PLPP1: variants seen among roughly 807,000 people sequenced by gnomAD.
The protein encoded by PLPP1 is phospholipid phosphatase 1.
A neutral mutation model predicts 31.2 loss-of-function variants in PLPP1; 24 were observed. That is an observed-to-expected ratio of 0.77 (90% confidence interval 0.56 to 1.08). PLPP1 has a LOEUF of 1.08. Among genes scored for constraint, PLPP1 ranks in the 50% least tolerant of loss-of-function variants. The pLI, the probability that PLPP1 is intolerant of heterozygous loss-of-function variation, is 0.00. For synonymous variants in PLPP1, 146 were observed against 126.3 expected, an observed-to-expected ratio of 1.16 and a Z score of -1.05; for missense variants, 319 against 342.7, an observed-to-expected ratio of 0.93 and a Z score of 0.55.
chr5:55,434,127 T>G, intron 4 of PLPP1, among the ~76,000 whole-genome samples: 1 of 141,406 alleles, frequency 7.1e-6, no homozygotes, highest in African/African-American at 2.7e-5. Flanking sequence ...AGTGAGACTC[T>G]GTCTCAAAAA....
intron 3 of PLPP1, among the ~76,000 whole-genome samples, chr5:55,442,709 C>T (rs895732532): frequency 6.6e-6 from 1 of 151,778 alleles, no homozygotes; most frequent in Admixed American, 6.6e-5. Flanking sequence ...CATTTCCCAC[C>T]AAATTCAGTG....
At chr5:55,506,211 A>G (rs944580209) in intron 1 of PLPP1, among the ~76,000 whole-genome samples, 4 of 151,882 alleles carry the variant, frequency 2.6e-5, no homozygotes, top group Non-Finnish European at 5.9e-5. Context: ...TGAAATGGTC[A>G]GTCCTACTTT....
In PLPP1 at chr5:55,468,254, T is replaced by G. The variant is rs1369641398; in HGVS notation, c.211-105A>C. On this transcript the variant is annotated intron_variant, in intron 2 of 5. Coordinates refer to ENST00000307259, the MANE Select transcript of PLPP1 (RefSeq NM_003711.4). The stretch of plus-strand genomic sequence containing the variant: ...GAAATGGTAAATCGCAAAAATATCT[T>G]TGTTTCAAAAACAGTCCCAGCCCCT... 2.8e-6 allele frequency: 3 copies of G among 1,082,542 alleles called. No homozygotes were observed. In the African/African-American group the frequency reaches 4.8e-5, roughly 17 times the overall value. 67.1% of individuals were successfully genotyped at this position (1,082,542 alleles called of 1,614,324 possible).
intron 1 of PLPP1, among the ~76,000 whole-genome samples, chr5:55,481,323 C>T (rs1164351714): frequency 6.6e-6 from 1 of 152,182 alleles, no homozygotes; most frequent in Non-Finnish European, 1.5e-5. Flanking sequence ...ACTGCCTTCA[C>T]AAAATAATGT....
chr5:55,472,914 T>TG (rs572240378), intron 2 of PLPP1, among the ~76,000 whole-genome samples: 3 of 152,366 alleles, frequency 2.0e-5, no homozygotes, highest in African/African-American at 7.2e-5. Context: ...ATCAGTGTCC[T>TG]GCTCTACTGC....
chr5:55,504,731 C>T (rs1222615741), intron 1 of PLPP1, among the ~76,000 whole-genome samples: 1 of 151,464 alleles, frequency 6.6e-6, no homozygotes, highest in Non-Finnish European at 1.5e-5. Context: ...CTAAACTGTT[C>T]AGCAGAATAT....
At chr5:55,526,714 C>T (rs866805230) in intron 1 of PLPP1, among the ~76,000 whole-genome samples, 17 of 152,008 alleles carry the variant, frequency 1.1e-4, no homozygotes, top group Admixed American at 6.6e-4. Context: ...GGGCGGATCA[C>T]GAGGTCAGGA....
chr5:55,495,567 CTG>C (rs1457974915), intron 1 of PLPP1, among the ~76,000 whole-genome samples: 2 of 152,064 alleles, frequency 1.3e-5, no homozygotes, highest in Non-Finnish European at 2.9e-5. Context: ...TGAGTAAAGA[CTG>C]AGGTCTTTAC....
intron 4 of PLPP1, among the ~76,000 whole-genome samples, chr5:55,434,019 C>T (rs1751432482): frequency 6.6e-6 from 1 of 151,408 alleles, no homozygotes; most frequent in South Asian, 2.1e-4. Context: ...ATCCTAGCTA[C>T]TGGGAAGGCT....
At chr5:55,518,891 C>G (rs981630146) in intron 1 of PLPP1, among the ~76,000 whole-genome samples, 7 of 152,158 alleles carry the variant, frequency 4.6e-5, no homozygotes, top group Non-Finnish European at 8.8e-5. Context: ...GCCATGGGAT[C>G]TTGTCCATGA....
chr5:55,503,821 A>G (rs1579970613), intron 1 of PLPP1, among the ~76,000 whole-genome samples: 1 of 71,296 alleles, frequency 1.4e-5, no homozygotes, highest in Non-Finnish European at 2.7e-5. Context: ...AGGGGAGGGG[A>G]GGGAAGAGGG....
At position 55,425,168 on chromosome 5, in the gene PLPP1, G is replaced by T. The variant is rs753053209; in HGVS notation, c.*38C>A. 1.9e-6 allele frequency: 3 copies of T among 1,588,728 alleles called. No individual in the cohort carries two copies. The highest frequency in any genetic ancestry group is 2.6e-6 in the Non-Finnish European group (3 of 1,171,656). On this transcript the variant is annotated 3_prime_UTR_variant, in exon 6 of 6. Transcript: ENST00000307259. Reference sequence around the variant, plus strand: ...GCCTTGTGGCAATCATTTTCCTTTAGAAAACAGGCCAGCTTCACCTGGGCA... The same window carrying T: ...GCCTTGTGGCAATCATTTTCCTTTATAAAACAGGCCAGCTTCACCTGGGCA...
At chr5:55,519,797 AC>A (rs1471018201) in intron 1 of PLPP1, among the ~76,000 whole-genome samples, 1 of 152,150 alleles carries the variant, frequency 6.6e-6, no homozygotes, top group Non-Finnish European at 1.5e-5. Context: ...AATTTTAATT[AC>A]ATTTAGTCAT....
chr5:55,519,731 A>G (rs12153683), intron 1 of PLPP1, among the ~76,000 whole-genome samples: 117,848 of 150,150 alleles, frequency 0.78, 47,196 homozygotes, highest in Middle Eastern at 0.88. Context: ...GCCTGGACAA[A>G]AGCAAAATTC....
intron 1 of PLPP1, among the ~76,000 whole-genome samples, chr5:55,534,194 C>T (rs1297880293): frequency 3.9e-5 from 6 of 152,208 alleles, no homozygotes. Context: ...ATCCCCTGTG[C>T]ATCAAACCTC....
intron 1 of PLPP1, among the ~76,000 whole-genome samples, chr5:55,511,821 GC>G (rs1243858488): frequency 6.6e-6 from 1 of 150,894 alleles, no homozygotes; most frequent in Admixed American, 6.6e-5. Context: ...CGGCTACCAC[GC>G]CCAGCTAATT....
intron 1 of PLPP1, among the ~76,000 whole-genome samples, chr5:55,501,048 C>G (rs932669982): frequency 6.6e-6 from 1 of 152,200 alleles, no homozygotes; most frequent in Admixed American, 6.5e-5. Context: ...GGCATGGTGG[C>G]TCACCCCTGT....
chr5:55,515,871 G>A (rs921440077), intron 1 of PLPP1, among the ~76,000 whole-genome samples: 6 of 152,054 alleles, frequency 3.9e-5, no homozygotes, highest in South Asian at 2.1e-4. Context: ...CCACGAATAT[G>A]CCAACGATTC....
At chr5:55,464,632 C>T (rs957003074) in intron 3 of PLPP1, among the ~76,000 whole-genome samples, 2 of 152,136 alleles carry the variant, frequency 1.3e-5, no homozygotes, top group African/African-American at 2.4e-5. Context: ...TATATCCATA[C>T]AATCGAATAT....
Sources: gnomAD v4.1 joint callset for allele counts (sites outside exome capture counted in the v4.1 genomes callset) on GRCh38, gnomAD v4.1.1 for gene constraint, MANE v1.5 for transcripts, NCBI Gene and HGNC (gene_info 2026-07-23, HGNC 2026-07-21) for gene names.